The following ROBO2 variants were observed in gnomAD, a reference collection of about 807,000 sequenced individuals.
ROBO2 encodes the protein roundabout homolog 2.
A neutral mutation model predicts 160.8 loss-of-function variants in ROBO2; 53 were observed. The ratio of observed to expected loss-of-function variants is 0.33; its 90% CI spans 0.26 to 0.41. ROBO2 has a LOEUF of 0.41. Ranked by LOEUF, ROBO2 falls within the 10% of genes least tolerant of loss-of-function variation. ROBO2 has a pLI of 1.00. For synonymous variants in ROBO2, 664 were observed against 611.7 expected (o/e 1.09, Z -1.26); for missense variants, 1,577 against 1,722.4 (o/e 0.92, Z 1.49).
intron 2 of ROBO2, among the ~76,000 whole-genome samples, chr3:76,224,966 A>T (rs1407817736): frequency 6.6e-6 from 1 of 152,228 alleles, no homozygotes; most frequent in East Asian, 1.9e-4. Context: ...ATCAAGAGTG[A>T]AAGGTATGAT....
intron 2 of ROBO2, among the ~76,000 whole-genome samples, chr3:77,002,583 T>A (rs2149425085): frequency 6.6e-6 from 1 of 152,142 alleles, no homozygotes; most frequent in East Asian, 1.9e-4. Context: ...AAGTGACATC[T>A]TTAGTTCCTA....
intron 2 of ROBO2, among the ~76,000 whole-genome samples, chr3:76,020,706 C>T (rs2066550059): frequency 6.6e-6 from 1 of 151,794 alleles, no homozygotes; most frequent in African/African-American, 2.4e-5. Context: ...CACACAGACT[C>T]TGTGGTTTAT....
At chr3:76,652,332 C>G (rs1282715468) in intron 2 of ROBO2, among the ~76,000 whole-genome samples, 1 of 152,152 alleles carries the variant, frequency 6.6e-6, no homozygotes, top group Non-Finnish European at 1.5e-5. Context: ...TGTTAAATTT[C>G]TGTGACAAGA....
At chr3:77,045,647 A>G (rs2064574936) in intron 1 of ROBO2, among the ~76,000 whole-genome samples, 2 of 152,162 alleles carry the variant, frequency 1.3e-5, no homozygotes, top group Non-Finnish European at 1.5e-5. Flanking sequence ...CCCAATGAGG[A>G]ACCATTTTTC....
intron 2 of ROBO2, among the ~76,000 whole-genome samples, chr3:76,687,570 C>T (rs1480220770): frequency 6.6e-6 from 1 of 151,928 alleles, no homozygotes; most frequent in Non-Finnish European, 1.5e-5. Context: ...AAACAGTCCT[C>T]TAGGCTTCAA....
intron 2 of ROBO2, among the ~76,000 whole-genome samples, chr3:76,453,145 A>T (rs1372898470): frequency 6.6e-6 from 1 of 152,082 alleles, no homozygotes; most frequent in Non-Finnish European, 1.5e-5. Context: ...CTCTGATGGT[A>T]GTTTCTTTTG....
intron 2 of ROBO2, among the ~76,000 whole-genome samples, chr3:76,394,663 G>A (rs1401217676): frequency 6.6e-6 from 1 of 151,768 alleles, no homozygotes; most frequent in Non-Finnish European, 1.5e-5. Flanking sequence ...TCTGAATGTT[G>A]GCAGGGGTTG....
intron 2 of ROBO2, among the ~76,000 whole-genome samples, chr3:76,398,271 A>G (rs1219336520): frequency 6.6e-6 from 1 of 150,618 alleles, no homozygotes; most frequent in African/African-American, 2.5e-5. Context: ...TGGGAATTGA[A>G]CAATGAGAAC....
At chr3:76,979,524 T>C (rs2059983528) in intron 2 of ROBO2, among the ~76,000 whole-genome samples, 1 of 152,064 alleles carries the variant, frequency 6.6e-6, no homozygotes, top group Non-Finnish European at 1.5e-5. Flanking sequence ...GTTCCATTCA[T>C]GTTGCTTCAA....
chr3:77,360,939 G>C (rs1206920263), intron 2 of ROBO2, among the ~76,000 whole-genome samples: 3 of 151,670 alleles, frequency 2.0e-5, no homozygotes, highest in Non-Finnish European at 4.4e-5. Context: ...TTGGTAGTGA[G>C]TGATTTTTCT....
At chr3:77,301,088 C>T (rs2062616556) in intron 2 of ROBO2, among the ~76,000 whole-genome samples, 2 of 151,792 alleles carry the variant, frequency 1.3e-5, no homozygotes, top group South Asian at 2.1e-4. Context: ...AGGCTGGTCT[C>T]GAACTCCCGA....
intron 16 of ROBO2, among the ~76,000 whole-genome samples, chr3:77,586,617 C>T (rs76798019): frequency 0.036 from 5,412 of 152,026 alleles, 198 homozygotes; most frequent in East Asian, 0.13. Context: ...AATAGCAATA[C>T]ACCTTGAGTA....
chr3:75,911,524 G>T (rs1946579109), intron 1 of ROBO2, among the ~76,000 whole-genome samples: 1 of 147,712 alleles, frequency 6.8e-6, no homozygotes, highest in Admixed American at 6.7e-5. Context: ...TATGAAATTG[G>T]TGAAGATCCC....
At chr3:76,159,388 CCTA>C (rs1454778046) in intron 2 of ROBO2, among the ~76,000 whole-genome samples, 2 of 152,102 alleles carry the variant, frequency 1.3e-5, no homozygotes, top group African/African-American at 4.8e-5. Flanking sequence ...TAATATTACA[CCTA>C]CTAACTCATT....
chr3:76,018,044 C>T (rs1382443664), intron 2 of ROBO2, among the ~76,000 whole-genome samples: 4 of 151,828 alleles, frequency 2.6e-5, no homozygotes, highest in Non-Finnish European at 4.4e-5. Context: ...TTTAGGGTAA[C>T]GTATAACAGA....
At chr3:77,614,462 T>C (rs769246178) in intron 21 of ROBO2, among the ~76,000 whole-genome samples, 10 of 152,226 alleles carry the variant, frequency 6.6e-5, no homozygotes, top group Non-Finnish European at 1.5e-4. Context: ...AACACACTAG[T>C]GTGTGTCTGT....
intron 2 of ROBO2, among the ~76,000 whole-genome samples, chr3:76,705,668 G>T (rs2093146261): frequency 6.6e-6 from 1 of 152,066 alleles, no homozygotes; most frequent in African/African-American, 2.4e-5. Context: ...AGAAATACAG[G>T]TTAATTTTAA....
At chr3:76,408,082 A>G (rs1009902128) in intron 2 of ROBO2, among the ~76,000 whole-genome samples, 3 of 152,112 alleles carry the variant, frequency 2.0e-5, no homozygotes, top group Non-Finnish European at 4.4e-5. Context: ...GAATAAAATA[A>G]TAAGACAGGC....
intron 2 of ROBO2, among the ~76,000 whole-genome samples, chr3:76,503,266 G>A (rs1453594186): frequency 2.0e-5 from 3 of 152,090 alleles, no homozygotes; most frequent in African/African-American, 7.2e-5. Flanking sequence ...TTCGCGGGAA[G>A]CTGGTTAGTT....
Sources: allele counts gnomAD v4.1 joint callset (sites outside exome capture counted in the v4.1 genomes callset), GRCh38; gene constraint gnomAD v4.1.1; transcripts MANE v1.5; gene names NCBI Gene and HGNC (gene_info 2026-07-23, HGNC 2026-07-21).